The following MPI variants were observed in gnomAD, a reference collection of about 807,000 sequenced individuals.
MPI encodes mannose phosphate isomerase.
In MPI, 33 loss-of-function variants were observed where a neutral mutation model predicts 40.1. The ratio of observed to expected loss-of-function variants is 0.82; its 90% CI spans 0.62 to 1.10. The LOEUF is 1.10. MPI is among the 50% of genes least tolerant of loss of function. The pLI, the probability that MPI is intolerant of heterozygous loss-of-function variation, is 0.00. For synonymous variants in MPI, 187 were observed against 207.4 expected (o/e 0.90, Z 0.85); for missense variants, 514 against 524.1 (o/e 0.98, Z 0.19).
In MPI at chr15:74,901,463, A is replaced by C. The variant is rs1311357969; in HGVS notation, c.*3733A>C. The C allele has an allele frequency of 1.3e-5, 2 of 152,164 alleles. No homozygotes were observed. The highest frequency in any genetic ancestry group is 2.4e-5 in the African/African-American group (1 of 41,416). 9.4% of individuals were successfully genotyped at this position (152,164 alleles called of 1,614,324 possible). A position where few individuals can be genotyped will look rare whatever the true frequency, so the allele number is the denominator to read the frequency against. On this transcript the variant is annotated 3_prime_UTR_variant, in exon 8 of 8. Transcript: ENST00000352410. ...TGGGGGCTGAAAGAGGCTGTGTCAC[A>C]CCCAGAGGTCTGCTTAAAGCCCAAT...
At chr15:74,890,678 C>T (rs764740561) in intron 2 of MPI, 24 bp downstream of exon 2, 3 of 1,611,850 alleles carry the variant, frequency 1.9e-6, no homozygotes, top group Non-Finnish European at 2.5e-6. Flanking sequence ...TGTATTTCAG[C>T]CCACTTTACC....
chr15:74,894,039 A>AGTGTGT (rs1163375284), intron 5 of MPI, among the ~76,000 whole-genome samples: 7 of 56,982 alleles, frequency 1.2e-4, no homozygotes, highest in Non-Finnish European at 2.3e-4. Context: ...TTTTCTGTTC[A>AGTGTGT]GTGTGTGTGT....
chr15:74,900,289 G>C lies in MPI; in HGVS notation c.*2559G>C, dbSNP rs1408934883. On this transcript the variant is annotated 3_prime_UTR_variant, in exon 8 of 8. Transcript: ENST00000352410. The stretch of plus-strand genomic sequence containing the variant: ...AGGTCCCTCCAGCTTTTTCTACAAG[G>C]TAACACCCTCCTACATGGGGTCAGC... 6.6e-6 allele frequency: 1 copy of C among 152,284 alleles called. No homozygotes were observed. The highest frequency in any genetic ancestry group is 1.5e-5 in the Non-Finnish European group (1 of 68,152). The allele number at this position is 152,284 out of a possible 1,614,324, so 9.4% of individuals were successfully genotyped here. A position where few individuals can be genotyped will look rare whatever the true frequency, so the allele number is the denominator to read the frequency against.
intron 4 of MPI, 127 bp from the exon 5 acceptor site, chr15:74,893,011 C>A: frequency 7.2e-7 from 1 of 1,390,026 alleles, no homozygotes; most frequent in Non-Finnish European, 1.0e-6. Flanking sequence ...GTTTCCACTG[C>A]AAAGTTTACT....
At position 74,901,342 on chromosome 15, in the gene MPI, G is replaced by C. The variant is rs985041194; in HGVS notation, c.*3612G>C. 1 of 152,172 alleles carries C rather than the reference G, an allele frequency of 6.6e-6. No homozygotes were observed. The highest frequency in any genetic ancestry group is 2.4e-5 in the African/African-American group (1 of 41,446). The allele number at this position is 152,172 out of a possible 1,614,324, so 9.4% of individuals were successfully genotyped here. On this transcript the variant is annotated 3_prime_UTR_variant, in exon 8 of 8. Coordinates refer to ENST00000352410, the MANE Select transcript of MPI (RefSeq NM_002435.3). ...AACAAAACCTGTTGGAAAAATTCTAGAAAGAGGCTTGGTATAGAGTATAGC... is the reference window on the plus strand; with the variant it reads ...AACAAAACCTGTTGGAAAAATTCTACAAAGAGGCTTGGTATAGAGTATAGC...
intron 5 of MPI, among the ~76,000 whole-genome samples, chr15:74,894,784 T>A (rs577299053): frequency 6.7e-6 from 1 of 148,716 alleles, no homozygotes; most frequent in African/African-American, 2.5e-5. Context: ...AAGACTCCGA[T>A]TCGGAAAAAA....
chr15:74,898,380 TG>T lies in MPI; in HGVS notation c.*653del, dbSNP rs1367039746. Reference sequence around the variant, plus strand: ...CAGGCTACACTCCAGAACACCGGTATGGGAAGGAGTGGGAGAGGAAGCCAGC... The same window carrying T: ...CAGGCTACACTCCAGAACACCGGTATGGAAGGAGTGGGAGAGGAAGCCAGC... On this transcript the variant is annotated 3_prime_UTR_variant, in exon 8 of 8. Transcript: ENST00000352410. 2 of 171,472 alleles carry T rather than the reference TG, an allele frequency of 1.2e-5. No individual in the cohort carries two copies. Among genetic ancestry groups the T allele is most frequent in the Non-Finnish European group, 2.6e-5 (2 of 77,796 alleles). The allele number at this position is 171,472 out of a possible 1,614,324, so 10.6% of individuals were successfully genotyped here.
At chr15:74,893,021 T>A in intron 4 of MPI, 117 bp from the exon 5 acceptor site, 4 of 1,428,446 alleles carry the variant, frequency 2.8e-6, no homozygotes, top group Non-Finnish European at 3.9e-6. Flanking sequence ...CAAAGTTTAC[T>A]TAGCATTGCC....
intron 6 of MPI, 80 bp from the exon 7 acceptor site, chr15:74,896,931 T>C (rs1477144618): frequency 5.2e-6 from 7 of 1,354,906 alleles, no homozygotes; most frequent in African/African-American, 2.9e-5. Flanking sequence ...ATGGGGTTCA[T>C]GGAGCTCAGG....
chr15:74,895,420 CT>C (rs944559188), intron 5 of MPI: 5 of 151,870 alleles, frequency 3.3e-5, no homozygotes, highest in African/African-American at 1.2e-4. Context: ...TAGCGACCCC[CT>C]CTCTCTGCAA....
intron 1 of MPI, 101 bp downstream of exon 1, chr15:74,890,190 G>A: frequency 6.6e-7 from 1 of 1,517,174 alleles, no homozygotes; most frequent in Admixed American, 1.8e-5. Context: ...CTGGCATTCC[G>A]CGGAAAGATG....
chr15:74,891,460 G>T lies in MPI; in HGVS notation c.226G>T (p.Ala76Ser), dbSNP rs568011248. The T allele has an allele frequency of 4.3e-6, 7 of 1,614,208 alleles. No homozygotes were observed. The South Asian group carries it at 7.7e-5, about 18-fold the overall frequency. The change falls in exon 3 of 8, where the codon GCT (alanine) becomes TCT (serine). Residue 76 changes from alanine to serine, a missense_variant. By Grantham distance (99) the Ala-to-Ser change is moderately conservative. Transcript: ENST00000352410. ...ISQKTLSQWI[A>S]ENQDSLGSKV... ...ACAGAAGACCCTAAGCCAGTGGATT[G>T]CTGAGAACCAGGACAGCTTGGGCTC... is the stretch of plus-strand genomic sequence containing the variant.
rs151022319 is a variant in MPI, at chr15:74,890,249, C to G, written c.16+160C>G. On this transcript the variant is annotated intron_variant, in intron 1 of 7. Coordinates refer to ENST00000352410, the MANE Select transcript of MPI (RefSeq NM_002435.3). ...GCCACCTGCGATGGGGATTGACCTC[C>G]GAGGGGAGGGGGCCCTTCTAGACGT... 53 of 1,102,386 alleles carry G rather than the reference C, an allele frequency of 4.8e-5. No individual in the cohort carries two copies. The African/African-American group carries it at 7.6e-4, about 16-fold the overall frequency. 68.3% of individuals were successfully genotyped at this position (1,102,386 alleles called of 1,614,324 possible).
chr15:74,896,719 G>C (rs981007594), intron 6 of MPI: 1 of 608,486 alleles, frequency 1.6e-6, no homozygotes, highest in Non-Finnish European at 2.9e-6. Context: ...TTCGACTGTT[G>C]GCTGCTTATC....
chr15:74,894,586 T>C (rs1037581761), intron 5 of MPI, among the ~76,000 whole-genome samples: 1 of 147,754 alleles, frequency 6.8e-6, no homozygotes, highest in African/African-American at 2.5e-5. Context: ...ATCATGCCAC[T>C]GCACTTCAGC....
In MPI at chr15:74,891,513, C is replaced by A. The variant is rs762629491; in HGVS notation, c.279C>A (p.Asn93Lys). ...GSKVKDTFNG[N>K]LPFLFKVLSV... is the part of the protein sequence containing the mutation. The stretch of plus-strand genomic sequence containing the variant: ...AGGTCAAGGACACCTTTAATGGCAA[C>A]CTGCCCTTCCTCTTCAAAGTGCTCT... Residue 93 changes from asparagine to lysine, a missense_variant, in exon 3 of 8, where the codon AAC (asparagine) becomes AAA (lysine). Coordinates refer to ENST00000352410, the MANE Select transcript of MPI (RefSeq NM_002435.3). The A allele has an allele frequency of 6.2e-7, 1 of 1,614,190 alleles. No individual in the cohort carries two copies. Among genetic ancestry groups the A allele is most frequent in the South Asian group, 1.1e-5 (1 of 91,084 alleles).
At chr15:74,894,465 G>A (rs1595820413) in intron 5 of MPI, among the ~76,000 whole-genome samples, 1 of 151,774 alleles carries the variant, frequency 6.6e-6, no homozygotes, top group Non-Finnish European at 1.5e-5. Context: ...TGAGGCGGCC[G>A]TATCACTTGA....
At chr15:74,890,442 C>T in intron 1 of MPI, 85 bp from the exon 2 acceptor site, 1 of 1,576,072 alleles carries the variant, frequency 6.3e-7, no homozygotes. Context: ...CCCCAGTGAG[C>T]ACCCCCAGCT....
intron 4 of MPI, 86 bp from the exon 5 acceptor site, chr15:74,893,052 G>C: frequency 6.4e-7 from 1 of 1,555,768 alleles, no homozygotes; most frequent in Non-Finnish European, 8.8e-7. Context: ...TTAGGGCTGG[G>C]ATGGAAAGGT....
Sources: allele counts gnomAD v4.1 joint callset (sites outside exome capture counted in the v4.1 genomes callset), GRCh38; gene constraint gnomAD v4.1.1; transcripts MANE v1.5; gene names NCBI Gene and HGNC (gene_info 2026-07-23, HGNC 2026-07-21).